Variants in FMN2 observed in about 807,000 individuals in gnomAD.
FMN2 encodes formin 2.
Under a neutral mutation model 142.3 loss-of-function variants are expected in FMN2, and 51 were observed. The observed-to-expected ratio is 0.36, with a 90% CI of 0.29 to 0.45. FMN2 has a LOEUF of 0.45. Ranked by LOEUF, FMN2 falls within the 20% of genes least tolerant of loss-of-function variation. FMN2 has a pLI of 1.00. For synonymous variants in FMN2, 882 were observed against 869.8 expected, an observed-to-expected ratio of 1.01 and a Z score of -0.25; for missense variants, 1,936 against 2,122.8, an observed-to-expected ratio of 0.91 and a Z score of 1.73.
intron 16 of FMN2, among the ~76,000 whole-genome samples, chr1:240,440,215 A>G (rs1054789196): frequency 3.3e-5 from 5 of 152,120 alleles, no homozygotes; most frequent in African/African-American, 7.2e-5. Context: ...TTCTGCTAGC[A>G]TAGACCAGAA....
rs550830455 is a variant in FMN2 at position 240,199,407 on chromosome 1, C to T, written c.1987-7392C>T. On this transcript the variant is annotated intron_variant, in intron 4 of 17. Coordinates refer to ENST00000319653, the MANE Select transcript of FMN2 (RefSeq NM_020066.5). ...AAAGTTTCAAAGATGAGCAAATTAA[C>T]TTTTCAGCAAAAGCTTTACTTGAGT... 1.1e-4 allele frequency among the ~76,000 whole-genome samples: 17 copies of T among 152,264 alleles called. No homozygotes were observed. In the East Asian group the frequency reaches 3.3e-3, roughly 29 times the overall value.
chr1:240,225,334 A>G (rs1667262566), intron 6 of FMN2, among the ~76,000 whole-genome samples: 1 of 152,176 alleles, frequency 6.6e-6, no homozygotes, highest in Non-Finnish European at 1.5e-5. Context: ...CCTCAGCCCC[A>G]GTGGTTAAGG....
At chr1:240,290,282 C>A (rs768408030) in intron 7 of FMN2, among the ~76,000 whole-genome samples, 21 of 152,106 alleles carry the variant, frequency 1.4e-4, no homozygotes, top group Non-Finnish European at 1.8e-4. Flanking sequence ...TTTCATTTTT[C>A]ATTTTTTAAC....
intron 7 of FMN2, among the ~76,000 whole-genome samples, chr1:240,278,687 G>A (rs1669298380): frequency 6.6e-6 from 1 of 152,160 alleles, no homozygotes; most frequent in Admixed American, 6.5e-5. Context: ...TTAGCCACTA[G>A]CAACGATTTC....
At chr1:240,147,055 G>T (rs766590785) in intron 2 of FMN2, among the ~76,000 whole-genome samples, 3 of 152,130 alleles carry the variant, frequency 2.0e-5, no homozygotes, top group Admixed American at 1.3e-4. Flanking sequence ...TTAGTTGGCC[G>T]GAGTGGAGGA....
intron 2 of FMN2, among the ~76,000 whole-genome samples, chr1:240,158,629 C>G (rs921366053): frequency 6.6e-6 from 1 of 152,088 alleles, no homozygotes; most frequent in East Asian, 1.9e-4. Flanking sequence ...TGATCCATCT[C>G]CCAATAAGCT....
In FMN2 at chr1:240,309,619, G is replaced by A. The variant is rs76564016; in HGVS notation, c.4215+14736G>A. 5.8e-3 allele frequency among the ~76,000 whole-genome samples: 883 copies of A among 152,210 alleles called. 6 individuals carry two copies. Among genetic ancestry groups the A allele is most frequent in the African/African-American group, 0.021 (853 of 41,520 alleles). ...CCAGATGTCATTATACACCCACACC[G>A]CTGACCAATTGTGCTGCAGAAAAGG... On this transcript the variant is annotated intron_variant, in intron 8 of 17. Coordinates refer to ENST00000319653, the MANE Select transcript of FMN2 (RefSeq NM_020066.5).
chr1:240,205,786 T>A (rs1202549207), intron 4 of FMN2, among the ~76,000 whole-genome samples: 1 of 146,338 alleles, frequency 6.8e-6, no homozygotes, highest in Non-Finnish European at 1.5e-5. Flanking sequence ...ACTCAAAACG[T>A]TTTTTTTTTC....
At position 240,121,449 on chromosome 1, in the gene FMN2, C is replaced by T. The variant is rs1662244414; in HGVS notation, c.1616-1730C>T. Among the ~76,000 whole-genome samples the T allele has an allele frequency of 2.0e-5, 3 of 150,438 alleles. 1 individual carries two copies. The South Asian group carries it at 6.3e-4, about 32-fold the overall frequency. On this transcript the variant is annotated intron_variant, in intron 1 of 17. Coordinates refer to ENST00000319653, the MANE Select transcript of FMN2 (RefSeq NM_020066.5). ...GGAGTGCAGTGGCGCGATCTCGGCT[C>T]ACTGCAAGCTCCGTCTCCCGGGTTC... is the stretch of plus-strand genomic sequence containing the variant.
At position 240,208,486 on chromosome 1, in the gene FMN2, T is replaced by C. The variant is rs1286370902; in HGVS notation, c.3674T>C (p.Leu1225Pro). ...MGIPPAPAPP[L>P]PPPGTGIPPP... ...ATTCCACCTGCTCCAGCTCCCCCAC[T>C]CCCTCCACCTGGGACAGGAATCCCA... Residue 1225 changes from leucine (L) to proline (P), a missense_variant, in exon 5 of 18, where the codon CTC (leucine) becomes CCC (proline). By Grantham distance (98) the Leu-to-Pro change is moderately conservative (BLOSUM62 -3). Transcript: ENST00000319653. The C allele has an allele frequency of 1.2e-6, 2 of 1,602,864 alleles. No individual in the cohort carries two copies. Among genetic ancestry groups the C allele is most frequent in the Non-Finnish European group, 1.7e-6 (2 of 1,176,196 alleles).
chr1:240,301,292 C>A (rs1274818914), intron 8 of FMN2, among the ~76,000 whole-genome samples: 1 of 151,506 alleles, frequency 6.6e-6, no homozygotes, highest in Non-Finnish European at 1.5e-5. Flanking sequence ...AATATAGAAA[C>A]CTTGACTCCA....
intron 2 of FMN2, among the ~76,000 whole-genome samples, chr1:240,147,187 A>G (rs1302816361): frequency 6.6e-6 from 1 of 152,198 alleles, no homozygotes; most frequent in Non-Finnish European, 1.5e-5. Flanking sequence ...GTTGGTCTTA[A>G]CTTAAATAAC....
rs34680769 is a variant in FMN2, at chr1:240,122,079, T to TTAATTAATTAATTA, written c.1616-1100_1616-1099insTAATTAATTAATTA. Among the ~76,000 whole-genome samples, 450 of 123,826 alleles carry TTAATTAATTAATTA rather than the reference T, an allele frequency of 3.6e-3. 2 individuals carry two copies. The highest frequency in any genetic ancestry group is 0.012 in the African/African-American group (359 of 30,760). 81.2% of individuals were successfully genotyped at this position (123,826 alleles called of 152,430 possible). On this transcript the variant is annotated intron_variant, in intron 1 of 17. Coordinates refer to ENST00000319653, the MANE Select transcript of FMN2 (RefSeq NM_020066.5). ...TGGATCCAAAATTAATTAATTAATT[T>TTAATTAATTAATTA]ATTTATTTATTTATGAATTATTTTT...
At chr1:240,308,327 C>A (rs1670483479) in intron 8 of FMN2, among the ~76,000 whole-genome samples, 1 of 152,154 alleles carries the variant, frequency 6.6e-6, no homozygotes, top group African/African-American at 2.4e-5. Flanking sequence ...ACTTGTAGAA[C>A]TTTGTAAGAC....
At chr1:240,288,543 G>A (rs577540580) in intron 7 of FMN2, among the ~76,000 whole-genome samples, 27 of 152,182 alleles carry the variant, frequency 1.8e-4, no homozygotes, top group African/African-American at 6.3e-4. Context: ...TGTTGTGATG[G>A]GCAGCCCCTC....
At chr1:240,243,303 C>CA (rs1001304545) in intron 6 of FMN2, among the ~76,000 whole-genome samples, 1 of 152,026 alleles carries the variant, frequency 6.6e-6, no homozygotes, top group Non-Finnish European at 1.5e-5. Context: ...CTCATTGGGT[C>CA]AAAAATCTAG....
At chr1:240,340,553 C>T (rs536308051) in intron 13 of FMN2, among the ~76,000 whole-genome samples, 2 of 152,236 alleles carry the variant, frequency 1.3e-5, no homozygotes, top group Admixed American at 1.3e-4. Context: ...TGCACTCCAG[C>T]CTGGATGACA....
At chr1:240,134,771 T>TC (rs1662872941) in intron 2 of FMN2, among the ~76,000 whole-genome samples, 1 of 152,204 alleles carries the variant, frequency 6.6e-6, no homozygotes, top group Admixed American at 6.5e-5. Context: ...GATCTCTTCT[T>TC]CTGGGCTTAT....
intron 1 of FMN2, among the ~76,000 whole-genome samples, chr1:240,097,963 C>A (rs1661273514): frequency 2.6e-5 from 4 of 152,086 alleles, no homozygotes; most frequent in Admixed American, 2.6e-4. Flanking sequence ...AAAACCAAAT[C>A]TGTTGTTAAT....
Sources: allele counts gnomAD v4.1 joint callset (sites outside exome capture counted in the v4.1 genomes callset), GRCh38; gene constraint gnomAD v4.1.1; transcripts MANE v1.5; gene names NCBI Gene and HGNC (gene_info 2026-07-23, HGNC 2026-07-21).